ENPEP: variants seen among roughly 807,000 people sequenced by gnomAD.
ENPEP encodes glutamyl aminopeptidase, also known as AP-A.
ENPEP carries 103 observed loss-of-function variants against 114.5 expected under a neutral mutation model. The ratio of observed to expected loss-of-function variants is 0.90; its 90% CI spans 0.77 to 1.06. The LOEUF (loss-of-function observed/expected upper bound fraction) is 1.06. ENPEP is among the 50% of genes least tolerant of loss of function. The pLI, the probability that ENPEP is intolerant of heterozygous loss-of-function variation, is 0.00. For missense variants in ENPEP, 1,196 were observed against 1,161.3 expected (o/e 1.03, Z -0.43); for synonymous variants, 420 against 422.0 (o/e 1.00, Z 0.06).
intron 13 of ENPEP, among the ~76,000 whole-genome samples, chr4:110,545,697 G>C (rs926503208): frequency 6.6e-5 from 10 of 151,934 alleles, no homozygotes; most frequent in African/African-American, 2.4e-4. Flanking sequence ...TTTTCCTTGT[G>C]TTGTGTTTTT....
intron 17 of ENPEP, among the ~76,000 whole-genome samples, chr4:110,551,181 A>G (rs1476752690): frequency 1.3e-5 from 2 of 152,018 alleles, no homozygotes; most frequent in African/African-American, 4.8e-5. Flanking sequence ...TGCTGATTGT[A>G]TCTGGTAAGA....
chr4:110,559,917 A>G (rs1727623334), intron 19 of ENPEP, among the ~76,000 whole-genome samples, 192 bp downstream of exon 19: 1 of 152,096 alleles, frequency 6.6e-6, no homozygotes, highest in Non-Finnish European at 1.5e-5. Flanking sequence ...TGTGTTAGGT[A>G]TTTGTCCTAA....
chr4:110,547,283 G>A (rs1303895233), intron 13 of ENPEP, among the ~76,000 whole-genome samples: 10 of 152,024 alleles, frequency 6.6e-5, no homozygotes, highest in Non-Finnish European at 1.5e-5. Context: ...CCCAGGCTGG[G>A]CTCTCACTAT....
chr4:110,536,414 G>T (rs1726628931), intron 11 of ENPEP, among the ~76,000 whole-genome samples: 1 of 152,112 alleles, frequency 6.6e-6, no homozygotes. Context: ...TCCCTCACTG[G>T]TTCTTTTGCA....
chr4:110,523,905 C>T (rs899119434), intron 10 of ENPEP, among the ~76,000 whole-genome samples: 39 of 152,174 alleles, frequency 2.6e-4, no homozygotes, highest in African/African-American at 7.7e-4. Context: ...GCAAATACTA[C>T]GTTTTGCCCA....
chr4:110,502,167 A>T (rs1725187646), intron 3 of ENPEP, among the ~76,000 whole-genome samples: 1 of 152,190 alleles, frequency 6.6e-6, no homozygotes, highest in African/African-American at 2.4e-5. Context: ...AGTTCTTTAC[A>T]GATTCTGGAT....
chr4:110,482,067 C>G (rs1338409904), intron 1 of ENPEP, among the ~76,000 whole-genome samples: 1 of 152,066 alleles, frequency 6.6e-6, no homozygotes, highest in Non-Finnish European at 1.5e-5. Context: ...GAAAAATAGC[C>G]ATGATAGGCA....
intron 17 of ENPEP, 107 bp from the exon 18 acceptor site, chr4:110,553,206 TAC>T: frequency 1.0e-6 from 1 of 959,738 alleles, no homozygotes; most frequent in East Asian, 2.6e-5. Flanking sequence ...TGTCAGTTGA[TAC>T]CTCAAGAATT....
intron 13 of ENPEP, among the ~76,000 whole-genome samples, chr4:110,543,340 G>A (rs919891638): frequency 1.3e-5 from 2 of 152,014 alleles, no homozygotes; most frequent in Non-Finnish European, 2.9e-5. Flanking sequence ...GGATCCTTGA[G>A]CTAATTAGAA....
At chr4:110,532,062 G>T (rs906213758) in intron 11 of ENPEP, among the ~76,000 whole-genome samples, 1 of 152,056 alleles carries the variant, frequency 6.6e-6, no homozygotes, top group African/African-American at 2.4e-5. Context: ...TATTAATGAG[G>T]TATGATTTCT....
intron 10 of ENPEP, among the ~76,000 whole-genome samples, chr4:110,522,251 C>T (rs1465912676): frequency 6.6e-6 from 1 of 151,394 alleles, no homozygotes; most frequent in Non-Finnish European, 1.5e-5. Flanking sequence ...GCAGGATGTT[C>T]GCTCACTGCA....
At chr4:110,544,734 G>A (rs1726989886) in intron 13 of ENPEP, among the ~76,000 whole-genome samples, 3 of 152,054 alleles carry the variant, frequency 2.0e-5, no homozygotes, top group Admixed American at 2.0e-4. Context: ...CCACAATGTA[G>A]GAGGTCCTTT....
At chr4:110,496,198 G>A (rs1724930276) in intron 3 of ENPEP, among the ~76,000 whole-genome samples, 1 of 152,088 alleles carries the variant, frequency 6.6e-6, no homozygotes, top group Non-Finnish European at 1.5e-5. Context: ...TGAAGGCAGA[G>A]TATGTATGTA....
intron 1 of ENPEP, among the ~76,000 whole-genome samples, chr4:110,481,356 C>T (rs951949327): frequency 1.3e-5 from 2 of 151,676 alleles, no homozygotes; most frequent in Non-Finnish European, 2.9e-5. Flanking sequence ...CTCAGCTTTC[C>T]GAGTAGCTGG....
At chr4:110,517,698 A>G (rs1725832874) in intron 8 of ENPEP, among the ~76,000 whole-genome samples, 1 of 152,208 alleles carries the variant, frequency 6.6e-6, no homozygotes, top group South Asian at 2.1e-4. Flanking sequence ...AACTGTGATC[A>G]CAGATGGTGC....
At chr4:110,560,918 G>A (rs1159013897) in intron 19 of ENPEP, among the ~76,000 whole-genome samples, 2 of 152,136 alleles carry the variant, frequency 1.3e-5, no homozygotes, top group East Asian at 1.9e-4. Flanking sequence ...GTATGGTTGA[G>A]TTTGGGGTAG....
chr4:110,535,937 A>G (rs1464075107), intron 11 of ENPEP, among the ~76,000 whole-genome samples: 1 of 152,080 alleles, frequency 6.6e-6, no homozygotes, highest in African/African-American at 2.4e-5. Context: ...ATTTTTAGTA[A>G]TAAATTATTT....
At chr4:110,482,637 C>A (rs1035431483) in intron 1 of ENPEP, among the ~76,000 whole-genome samples, 1 of 152,022 alleles carries the variant, frequency 6.6e-6, no homozygotes. Context: ...AAATTTTTGT[C>A]GTATGTCAGT....
chr4:110,501,224 C>G (rs1725141445), intron 3 of ENPEP, among the ~76,000 whole-genome samples: 1 of 152,084 alleles, frequency 6.6e-6, no homozygotes, highest in South Asian at 2.1e-4. Context: ...ATCAAAGTAG[C>G]AGTTATAGAA....
Sources: gnomAD v4.1 joint callset for allele counts (sites outside exome capture counted in the v4.1 genomes callset) on GRCh38, gnomAD v4.1.1 for gene constraint, MANE v1.5 for transcripts, NCBI Gene and HGNC (gene_info 2026-07-23, HGNC 2026-07-21) for gene names.